The following FRAS1 variants were observed in gnomAD, a reference collection of about 807,000 sequenced individuals.
The protein encoded by FRAS1 is Fraser extracellular matrix complex subunit 1.
Under a neutral mutation model 435.2 loss-of-function variants are expected in FRAS1, and 290 were observed. That is an observed-to-expected ratio of 0.67 (90% CI 0.61 to 0.73). FRAS1 has a LOEUF of 0.73. Ranked by LOEUF, FRAS1 falls within the 30% of genes least tolerant of loss-of-function variation. The pLI is 0.00. For missense variants in FRAS1, 4,860 were observed against 5,001.5 expected (o/e 0.97, Z 0.85); for synonymous variants, 1,800 against 1,851.0 (o/e 0.97, Z 0.71).
intron 14 of FRAS1, among the ~76,000 whole-genome samples, chr4:78,302,728 T>A (rs1459258955): frequency 6.6e-6 from 1 of 152,190 alleles, no homozygotes; most frequent in Admixed American, 6.5e-5. Flanking sequence ...TGTAAATTTG[T>A]TTGAGTTCAT....
At chr4:78,490,074 T>C (rs1169925399) in intron 59 of FRAS1, among the ~76,000 whole-genome samples, 1 of 149,240 alleles carries the variant, frequency 6.7e-6, no homozygotes, top group African/African-American at 2.5e-5. Context: ...GTATATTACA[T>C]AATGGTAAAG....
intron 2 of FRAS1, among the ~76,000 whole-genome samples, chr4:78,118,262 G>T (rs1290914358): frequency 6.6e-6 from 1 of 152,208 alleles, no homozygotes; most frequent in African/African-American, 2.4e-5. Flanking sequence ...CTCCCAGTTA[G>T]GCTACTCGGG....
intron 15 of FRAS1, among the ~76,000 whole-genome samples, chr4:78,308,455 G>A (rs12505887): frequency 0.31 from 46,974 of 152,046 alleles, 7,538 homozygotes; most frequent in East Asian, 0.38. Context: ...GATGAAGATA[G>A]TGAGGCCCAG....
At position 78,286,491 on chromosome 4, in the gene FRAS1, G is replaced by T. The variant is rs201490843; in HGVS notation, c.1486G>T (p.Val496Leu). 5.5e-5 allele frequency: 89 copies of T among 1,613,550 alleles called. No individual in the cohort carries two copies. In the Middle Eastern group the frequency reaches 6.6e-4, roughly 12 times the overall value. The change falls in exon 14 of 74, where the codon GTG (valine) becomes TTG (leucine). Residue 496 changes from valine (V) to leucine (L), a missense_variant. By Grantham distance (32) the Val-to-Leu change is conservative. Coordinates refer to ENST00000512123, the MANE Select transcript of FRAS1 (RefSeq NM_025074.7). ...CCTGCTGATGCGGCACGGGCAGTGT[G>T]TGCCTACCTGTGGGGACGGCTTCTA... is the stretch of plus-strand genomic sequence containing the variant. Reference protein sequence around the residue: ...PPLLMRHGQCVPTCGDGFYQD... With the variant: ...PPLLMRHGQCLPTCGDGFYQD...
chr4:78,334,602 C>T (rs1342219658), intron 19 of FRAS1, among the ~76,000 whole-genome samples: 1 of 151,894 alleles, frequency 6.6e-6, no homozygotes, highest in African/African-American at 2.4e-5. Context: ...ATCTCGTGAC[C>T]TCGTGATCCA....
chr4:78,336,840 T>TG (rs1730187820), intron 19 of FRAS1, among the ~76,000 whole-genome samples: 1 of 152,198 alleles, frequency 6.6e-6, no homozygotes, highest in African/African-American at 2.4e-5. Flanking sequence ...TCCTTGTCCT[T>TG]GGCAGAGAAG....
At position 78,278,639 on chromosome 4, in the gene FRAS1, A is replaced by G; in HGVS notation, c.982-16A>G. ...TGTTAATTTGATATGTGCCACTGCAACCCTTATTTCTACAGGATGAAGAAT... is the reference window on the plus strand; with the variant it reads ...TGTTAATTTGATATGTGCCACTGCAGCCCTTATTTCTACAGGATGAAGAAT... On this transcript the variant is annotated splice_polypyrimidine_tract_variant and intron_variant, in intron 9 of 73. Transcript: ENST00000512123. The G allele has an allele frequency of 6.8e-7, 1 of 1,464,178 alleles. No homozygotes were observed. The allele number at this position is 1,464,178 out of a possible 1,614,324, so 90.7% of individuals were successfully genotyped here. A position where few individuals can be genotyped will look rare whatever the true frequency, so the allele number is the denominator to read the frequency against.
rs1190123532 is a variant in FRAS1 at position 78,481,909 on chromosome 4, T to A, written c.8549T>A (p.Val2850Asp). ...GACCCAGCTTCTGCCACACCAGGAG[T>A]TGACTACGTTCCCAGCTCTCGGAAG... ...PSDPASATPG[V>D]DYVPSSRKVE... The change falls in exon 57 of 74, where the codon GTT (valine) becomes GAT (aspartate). Residue 2850 changes from valine (V) to aspartate (D), a missense_variant. Transcript: ENST00000512123. The A allele has an allele frequency of 1.2e-6, 2 of 1,613,744 alleles. No individual in the cohort carries two copies. The highest frequency in any genetic ancestry group is 4.5e-5 in the East Asian group (2 of 44,870).
chr4:78,540,778 C>T lies in FRAS1; in HGVS notation c.11693C>T (p.Ser3898Phe). 6.2e-7 allele frequency: 1 copy of T among 1,613,892 alleles called. No homozygotes were observed. Among genetic ancestry groups the T allele is most frequent in the Non-Finnish European group, 8.5e-7 (1 of 1,179,816 alleles). ...LEMQELAVAA[S>F]LSQTGASIGS... ...ATGCAAGAGTTGGCGGTAGCTGCGT[C>T]CCTGTCACAGACTGGGGCGTCCATT... Residue 3898 changes from serine to phenylalanine, a missense_variant, in exon 74 of 74, where the codon TCC becomes TTC. Coordinates refer to ENST00000512123, the MANE Select transcript of FRAS1 (RefSeq NM_025074.7).
intron 3 of FRAS1, among the ~76,000 whole-genome samples, chr4:78,242,944 G>A (rs1005875293): frequency 1.3e-5 from 2 of 151,978 alleles, no homozygotes; most frequent in African/African-American, 4.8e-5. Flanking sequence ...AGCTGGATAG[G>A]GACAGAAAGA....
intron 2 of FRAS1, among the ~76,000 whole-genome samples, chr4:78,116,206 A>C (rs551499538): frequency 1.7e-4 from 26 of 152,232 alleles, no homozygotes; most frequent in African/African-American, 6.3e-4. Flanking sequence ...AGTTTGTTAT[A>C]ATGTCTGTTC....
chr4:78,431,444 C>A (rs561533856), intron 37 of FRAS1, among the ~76,000 whole-genome samples: 1 of 152,126 alleles, frequency 6.6e-6, no homozygotes, highest in African/African-American at 2.4e-5. Flanking sequence ...CATAATGCCA[C>A]GAGCACCAGT....
At chr4:78,149,783 A>G (rs1490215954) in intron 2 of FRAS1, among the ~76,000 whole-genome samples, 1 of 152,142 alleles carries the variant, frequency 6.6e-6, no homozygotes, top group Non-Finnish European at 1.5e-5. Context: ...ACTTCAGCTG[A>G]TGTTGCCTGG....
chr4:78,305,426 T>C (rs1728660426), intron 14 of FRAS1, among the ~76,000 whole-genome samples: 1 of 150,622 alleles, frequency 6.6e-6, no homozygotes, highest in Non-Finnish European at 1.5e-5. Flanking sequence ...TTGTTGACTT[T>C]CTGTCTCGTT....
intron 2 of FRAS1, among the ~76,000 whole-genome samples, chr4:78,152,607 C>CTTTTTTTT (rs71214398): frequency 5.0e-4 from 36 of 72,418 alleles, no homozygotes; most frequent in East Asian, 1.1e-3. Flanking sequence ...ATGTAGGCTG[C>CTTTTTTTT]TTTTTTTTTT....
chr4:78,521,518 C>A lies in FRAS1; in HGVS notation c.10541-5C>A. 6.2e-7 allele frequency: 1 copy of A among 1,604,036 alleles called. No homozygotes were observed. Among genetic ancestry groups the A allele is most frequent in the East Asian group, 2.2e-5 (1 of 44,694 alleles). On this transcript the variant is annotated splice_polypyrimidine_tract_variant and splice_region_variant and intron_variant, in intron 67 of 73. Transcript: ENST00000512123. ...CTAGCATTTTCTCTCTGCTTTCCTGCCCAGGAATCCAGACAGACAGCGTGC... is the reference window on the plus strand; with the variant it reads ...CTAGCATTTTCTCTCTGCTTTCCTGACCAGGAATCCAGACAGACAGCGTGC...
intron 64 of FRAS1, among the ~76,000 whole-genome samples, chr4:78,512,333 T>A (rs1721067373): frequency 6.6e-6 from 1 of 152,186 alleles, no homozygotes; most frequent in Non-Finnish European, 1.5e-5. Flanking sequence ...AATATGTACA[T>A]GCTTCTTTCT....
chr4:78,155,500 C>A (rs56141819), intron 2 of FRAS1, among the ~76,000 whole-genome samples: 5,533 of 152,208 alleles, frequency 0.036, 337 homozygotes, highest in African/African-American at 0.13. Flanking sequence ...AGCTAGAAAG[C>A]AAAGTTATTT....
chr4:78,178,476 AT>A (rs1436837997), intron 2 of FRAS1, among the ~76,000 whole-genome samples: 1 of 152,202 alleles, frequency 6.6e-6, no homozygotes, highest in Non-Finnish European at 1.5e-5. Flanking sequence ...AAATTACTTC[AT>A]TTCTGAACCA....
Sources: allele counts gnomAD v4.1 joint callset (sites outside exome capture counted in the v4.1 genomes callset), GRCh38; gene constraint gnomAD v4.1.1; transcripts MANE v1.5; gene names NCBI Gene and HGNC (gene_info 2026-07-23, HGNC 2026-07-21).